Variants in SNTG1 observed in about 807,000 individuals in gnomAD.
SNTG1 encodes the protein gamma-1-syntrophin.
Under a neutral mutation model 74.7 loss-of-function variants are expected in SNTG1, and 39 were observed. The ratio of observed to expected loss-of-function variants is 0.52; its 90% CI spans 0.40 to 0.68. The LOEUF (loss-of-function observed/expected upper bound fraction) is 0.68, where lower values mean the gene tolerates loss of function less well. Ranked by LOEUF, SNTG1 falls within the 30% of genes least tolerant of loss-of-function variation. The pLI is 0.00. For missense variants in SNTG1, 685 were observed against 609.5 expected (o/e 1.12, Z -1.30); for synonymous variants, 254 against 217.1 (o/e 1.17, Z -1.49).
chr8:49,959,520 T>C (rs2129684130), intron 1 of SNTG1, among the ~76,000 whole-genome samples: 1 of 152,356 alleles, frequency 6.6e-6, no homozygotes, highest in East Asian at 1.9e-4. Flanking sequence ...ATTTTGGACA[T>C]TTCATATAAA....
intron 1 of SNTG1, among the ~76,000 whole-genome samples, chr8:50,170,475 A>T (rs974303717): frequency 3.3e-5 from 5 of 151,654 alleles, no homozygotes; most frequent in Admixed American, 2.6e-4. Context: ...CATGTAAATT[A>T]AAAAAAAATC....
intron 5 of SNTG1, 59 bp downstream of exon 5, chr8:50,438,658 T>G: frequency 7.3e-7 from 1 of 1,369,836 alleles, no homozygotes; most frequent in Non-Finnish European, 1.0e-6. Flanking sequence ...TGAACTTTGG[T>G]GCATTTCAAT....
intron 1 of SNTG1, among the ~76,000 whole-genome samples, chr8:50,172,068 C>G (rs557246203): frequency 1.3e-5 from 2 of 152,314 alleles, no homozygotes; most frequent in East Asian, 3.9e-4. Flanking sequence ...TCTTCAATTA[C>G]AGTATGTTTT....
At chr8:50,517,463 G>A (rs554793268) in intron 9 of SNTG1, among the ~76,000 whole-genome samples, 28 of 152,064 alleles carry the variant, frequency 1.8e-4, no homozygotes, top group African/African-American at 5.8e-4. Flanking sequence ...ATGTAAATGG[G>A]CTAAATGCCC....
intron 13 of SNTG1, among the ~76,000 whole-genome samples, chr8:50,597,553 G>C (rs955843654): frequency 1.3e-5 from 2 of 151,488 alleles, no homozygotes; most frequent in Non-Finnish European, 3.0e-5. Context: ...CTGATTTCAT[G>C]GTCTTTTGAG....
At chr8:50,582,141 T>G (rs1301967929) in intron 12 of SNTG1, among the ~76,000 whole-genome samples, 2 of 152,168 alleles carry the variant, frequency 1.3e-5, no homozygotes, top group Non-Finnish European at 2.9e-5. Flanking sequence ...GGTTTTTGGT[T>G]GTTTGATTTT....
At chr8:50,339,381 A>G (rs995341321) in intron 2 of SNTG1, among the ~76,000 whole-genome samples, 1 of 151,970 alleles carries the variant, frequency 6.6e-6, no homozygotes, top group Non-Finnish European at 1.5e-5. Flanking sequence ...ATAAATAAAA[A>G]CAAGATCTTG....
At chr8:50,726,700 T>A (rs1027496332) in intron 17 of SNTG1, among the ~76,000 whole-genome samples, 1 of 151,842 alleles carries the variant, frequency 6.6e-6, no homozygotes, top group South Asian at 2.1e-4. Context: ...ATACAAAAAA[T>A]TAGCAGGGTG....
intron 9 of SNTG1, among the ~76,000 whole-genome samples, chr8:50,516,620 AAC>A (rs1335409680): frequency 6.6e-6 from 1 of 152,214 alleles, no homozygotes; most frequent in Non-Finnish European, 1.5e-5. Context: ...GGAGCTGAAA[AAC>A]ACAGCATGAG....
chr8:49,984,624 G>A (rs1812992108), intron 1 of SNTG1, among the ~76,000 whole-genome samples: 1 of 152,046 alleles, frequency 6.6e-6, no homozygotes, highest in South Asian at 2.1e-4. Flanking sequence ...TGTATTGTTT[G>A]TTGTAAAATC....
intron 1 of SNTG1, among the ~76,000 whole-genome samples, chr8:49,955,548 T>G (rs1810078641): frequency 1.3e-5 from 2 of 152,216 alleles, no homozygotes; most frequent in Admixed American, 1.3e-4. Context: ...CTTACTTGTC[T>G]TTAATGGGAA....
intron 1 of SNTG1, among the ~76,000 whole-genome samples, chr8:49,975,288 C>T (rs1812084523): frequency 6.6e-6 from 1 of 152,064 alleles, no homozygotes; most frequent in Non-Finnish European, 1.5e-5. Context: ...TTCTTCTTTA[C>T]CTATAGTAGT....
At chr8:50,244,269 C>G (rs746487709) in intron 2 of SNTG1, among the ~76,000 whole-genome samples, 2 of 152,124 alleles carry the variant, frequency 1.3e-5, no homozygotes, top group African/African-American at 2.4e-5. Context: ...TACCTCCCAC[C>G]AGGTCCCACT....
chr8:50,239,592 T>C (rs1267979688), intron 2 of SNTG1, among the ~76,000 whole-genome samples: 1 of 152,180 alleles, frequency 6.6e-6, no homozygotes, highest in Non-Finnish European at 1.5e-5. Flanking sequence ...TTTCTCCTAA[T>C]ATCAAGGGTA....
At chr8:50,580,861 G>A (rs1352196254) in intron 12 of SNTG1, among the ~76,000 whole-genome samples, 1 of 152,112 alleles carries the variant, frequency 6.6e-6, no homozygotes, top group African/African-American at 2.4e-5. Context: ...GAGTGAACAT[G>A]AGCAAAGACA....
rs551199815 is a variant in SNTG1 at position 50,487,133 on chromosome 8, G to A, written c.364-15645G>A. On this transcript the variant is annotated intron_variant, in intron 8 of 18. Coordinates refer to ENST00000642720, the MANE Select transcript of SNTG1 (RefSeq NM_018967.5). ...CAGAGAAATGCAAATCAAAACCACA[G>A]TGAGATACCATCTCACACCAGTTAG... Among the ~76,000 whole-genome samples, 61 of 152,058 alleles carry A rather than the reference G, an allele frequency of 4.0e-4. 1 individual carries two copies. In the East Asian group the frequency reaches 9.9e-3, roughly 25 times the overall value.
chr8:50,646,324 A>G (rs886304957), intron 13 of SNTG1, among the ~76,000 whole-genome samples: 2 of 152,154 alleles, frequency 1.3e-5, no homozygotes, highest in African/African-American at 4.8e-5. Flanking sequence ...GGTAGGTTCC[A>G]CCCCTAAAGT....
At chr8:50,063,990 T>C (rs1820693383) in intron 1 of SNTG1, among the ~76,000 whole-genome samples, 1 of 152,216 alleles carries the variant, frequency 6.6e-6, no homozygotes, top group South Asian at 2.1e-4. Flanking sequence ...TATAGCAACT[T>C]ACTAATTGCA....
chr8:50,624,482 G>T (rs1327813903), intron 13 of SNTG1, among the ~76,000 whole-genome samples: 1 of 152,002 alleles, frequency 6.6e-6, no homozygotes, highest in Non-Finnish European at 1.5e-5. Context: ...TTTTAAGTCA[G>T]AAGAGGCATA....
Sources: gnomAD v4.1 joint callset for allele counts (sites outside exome capture counted in the v4.1 genomes callset) on GRCh38, gnomAD v4.1.1 for gene constraint, MANE v1.5 for transcripts, NCBI Gene and HGNC (gene_info 2026-07-23, HGNC 2026-07-21) for gene names.